Variants in NLRC3 observed in about 807,000 individuals in gnomAD.
NLRC3 encodes the protein NLR family CARD domain containing 3.
NLRC3 carries 87 observed loss-of-function variants against 91.6 expected under a neutral mutation model. The observed-to-expected ratio is 0.95, with a 90% CI of 0.80 to 1.14. The LOEUF is 1.14. NLRC3 is among the 50% of genes most tolerant of loss of function. The probability of loss-of-function intolerance (pLI) is 0.00; values close to 1 mark genes in which losing one functional copy is unlikely to be tolerated. For synonymous variants in NLRC3, 694 were observed against 625.3 expected, an observed-to-expected ratio of 1.11 and a Z score of -1.64; for missense variants, 1,577 against 1,418.6, an observed-to-expected ratio of 1.11 and a Z score of -1.79.
chr16:3,551,532 C>A (rs531270494), intron 10 of NLRC3, among the ~76,000 whole-genome samples: 42 of 151,096 alleles, frequency 2.8e-4, no homozygotes, highest in Non-Finnish European at 5.8e-4. Context: ...CTCATTTATT[C>A]AACCATCCAT....
At position 3,563,280 on chromosome 16, in the gene NLRC3, A is replaced by C. The variant is rs1407031499; in HGVS notation, c.1657T>G (p.Cys553Gly). ...CAGACTGCGGCATCGGGGCGCAGGC[A>C]GCCCTGCAGGAGCTCAGCCACCTGG... ...RTQVAELLQG[C>G]LRPDAAVCAR... The change falls in exon 5 of 20, where the codon TGC becomes GGC. Residue 553 changes from cysteine (C) to glycine (G), a missense_variant. By Grantham distance (159) the Cys-to-Gly change is radical. Coordinates refer to ENST00000359128, the MANE Select transcript of NLRC3 (RefSeq NM_178844.4). 5 of 1,605,144 alleles carry C rather than the reference A, an allele frequency of 3.1e-6. No homozygotes were observed. Among genetic ancestry groups the C allele is most frequent in the Non-Finnish European group, 4.2e-6 (5 of 1,177,036 alleles).
chr16:3,561,497 C>T (rs1309128662), intron 6 of NLRC3, among the ~76,000 whole-genome samples: 3 of 152,188 alleles, frequency 2.0e-5, no homozygotes, highest in Non-Finnish European at 4.4e-5. Context: ...GCCAGGTCAC[C>T]TCCCTCTTCC....
Position 3,564,908 on chromosome 16 carries a change from CGGGGCCT to C in NLRC3, c.122_128del (p.Gln41ArgfsTer29), listed in dbSNP as rs751492240. The C allele has an allele frequency of 4.2e-5, 67 of 1,609,710 alleles. No homozygotes were observed. The highest frequency in any genetic ancestry group is 5.6e-5 in the Non-Finnish European group (66 of 1,179,630). Reference sequence around the variant, plus strand: ...CATCCGGTGTCCTATCCAGGGCCTGCGGGGCCTGGGAGCCTTGACTGCCCTTCCCAGC... The same window carrying C: ...CATCCGGTGTCCTATCCAGGGCCTGCGGGAGCCTTGACTGCCCTTCCCAGC... On this transcript the variant is annotated frameshift_variant, in exon 4 of 20. Coordinates refer to ENST00000359128, the MANE Select transcript of NLRC3 (RefSeq NM_178844.4). LOFTEE classifies it high-confidence loss of function. The surrounding 1 kb of genome is among the most constrained non-coding windows in gnomAD (Gnocchi z 5.9).
At chr16:3,542,808 G>T (rs1174036761) in intron 17 of NLRC3, 33 bp from the exon 18 acceptor site, 11 of 1,488,744 alleles carry the variant, frequency 7.4e-6, no homozygotes, top group Non-Finnish European at 1.0e-5. Flanking sequence ...TAAGGCATGG[G>T]TACAGGCTGA....
In NLRC3 at chr16:3,548,757, G is replaced by C. The variant is rs1297822274; in HGVS notation, c.2604-4C>G. The stretch of plus-strand genomic sequence containing the variant: ...GTGGAGGAGGTTGGCTGTCAGGCTA[G>C]GAGGAAGGGAACAGGAGCAAGTGAG... On this transcript the variant is annotated splice_region_variant and splice_polypyrimidine_tract_variant and intron_variant, in intron 13 of 19. Transcript: ENST00000359128. The C allele has an allele frequency of 6.3e-7, 1 of 1,596,950 alleles. No individual in the cohort carries two copies. The highest frequency in any genetic ancestry group is 1.1e-5 in the South Asian group (1 of 87,798).
intron 1 of NLRC3, among the ~76,000 whole-genome samples, chr16:3,572,333 T>C (rs1203266807): frequency 6.6e-6 from 1 of 151,990 alleles, no homozygotes; most frequent in African/African-American, 2.4e-5. Context: ...AGGATCTCAC[T>C]GTGTCACCCA....
At position 3,564,887 on chromosome 16, in the gene NLRC3, C is replaced by T. The variant is rs778662341; in HGVS notation, c.150G>A (p.Pro50=). ...TGCTGCAGGGCCCCAGCGGGGCATC[C>T]GGTGTCCTATCCAGGGCCTGCGGGG... The part of the protein sequence containing the change: ...SQAPQALDRT[P]DAPLGPCSND... Residue 50 remains proline (P), a synonymous_variant, in exon 4 of 20, where the codon CCG becomes CCA. Coordinates refer to ENST00000359128, the MANE Select transcript of NLRC3 (RefSeq NM_178844.4). This position sits in a 1 kb window ranked among gnomAD's most constrained non-coding sequence, Gnocchi z 5.9. 1.2e-5 allele frequency: 19 copies of T among 1,608,758 alleles called. No individual in the cohort carries two copies. Among genetic ancestry groups the T allele is most frequent in the African/African-American group, 8.0e-5 (6 of 74,910 alleles).
At chr16:3,574,331 C>A (rs539143231) in intron 1 of NLRC3, among the ~76,000 whole-genome samples, 1 of 152,198 alleles carries the variant, frequency 6.6e-6, no homozygotes, top group East Asian at 1.9e-4. Context: ...CTCGGCCTGA[C>A]CACCCAGAGA....
At chr16:3,549,362 G>T in intron 12 of NLRC3, 137 bp from the exon 13 acceptor site, 1 of 706,876 alleles carries the variant, frequency 1.4e-6, no homozygotes, top group Non-Finnish European at 2.4e-6. Context: ...TCTGGGCTGA[G>T]GTGTGAAGGA....
intron 14 of NLRC3, 111 bp downstream of exon 14, chr16:3,548,559 C>T: frequency 1.2e-6 from 1 of 827,518 alleles, no homozygotes; most frequent in South Asian, 1.7e-5. Flanking sequence ...CCCCTGAGAC[C>T]TTTGCAGGGG....
At chr16:3,574,290 C>T (rs891776886) in intron 1 of NLRC3, among the ~76,000 whole-genome samples, 1 of 152,090 alleles carries the variant, frequency 6.6e-6, no homozygotes, top group Non-Finnish European at 1.5e-5. Context: ...TGCGCCCGGC[C>T]TTGTGGAGCA....
Position 3,541,850 on chromosome 16 carries a change from G to A in NLRC3, c.3173C>T (p.Ala1058Val), listed in dbSNP as rs915323873. The change falls in exon 20 of 20, where the codon GCT becomes GTT. Residue 1058 changes from alanine (A) to valine (V), a missense_variant. Ala to Val is a moderately conservative substitution (Grantham distance 64, BLOSUM62 0). Transcript: ENST00000359128. ...RMISEAIKTN[A>V]PTCTVEM ...TCACATTTCAACAGTGCACGTGGGAGCATTTGTCTTGATGGCCTCTGAGAT... is the reference window on the plus strand; with the variant it reads ...TCACATTTCAACAGTGCACGTGGGAACATTTGTCTTGATGGCCTCTGAGAT... The A allele has an allele frequency of 1.3e-5, 21 of 1,611,588 alleles. No homozygotes were observed. The highest frequency in any genetic ancestry group is 1.7e-5 in the Admixed American group (1 of 59,888).
intron 2 of NLRC3, among the ~76,000 whole-genome samples, chr16:3,565,653 C>T (rs1415376364): frequency 1.3e-5 from 2 of 151,904 alleles, no homozygotes; most frequent in African/African-American, 4.8e-5. Context: ...CAGACAATTC[C>T]TAGGGCAGTA....
chr16:3,542,655 T>G, intron 18 of NLRC3, 37 bp downstream of exon 18: 3 of 1,321,738 alleles, frequency 2.3e-6, no homozygotes, highest in Non-Finnish European at 3.3e-6. Flanking sequence ...AGAACTCTGC[T>G]GCTCCAGGAT....
At chr16:3,544,842 GC>G (rs1383560380) in intron 15 of NLRC3, 6 of 156,886 alleles carry the variant, frequency 3.8e-5, no homozygotes, top group Admixed American at 3.7e-4. Context: ...ACAGGCACAT[GC>G]CCCCATGCCC....
intron 2 of NLRC3, among the ~76,000 whole-genome samples, chr16:3,566,432 A>G (rs930047845): frequency 6.6e-6 from 1 of 152,076 alleles, no homozygotes; most frequent in Admixed American, 6.6e-5. Flanking sequence ...CTCTACTGAA[A>G]ATACAAAAAT....
chr16:3,552,583 C>A (rs1305880303), intron 9 of NLRC3, among the ~76,000 whole-genome samples: 2 of 152,154 alleles, frequency 1.3e-5, no homozygotes, highest in African/African-American at 4.8e-5. Flanking sequence ...ATGGACAAGT[C>A]TCTCTGGTGC....
chr16:3,544,009 G>A, intron 16 of NLRC3: 1 of 497,252 alleles, frequency 2.0e-6, no homozygotes, highest in East Asian at 3.4e-5. Context: ...CAAAAATTAG[G>A]CTGGGTGTGG....
intron 1 of NLRC3, among the ~76,000 whole-genome samples, chr16:3,568,610 C>T (rs1199167799): frequency 6.6e-6 from 1 of 152,050 alleles, no homozygotes; most frequent in East Asian, 1.9e-4. Context: ...GCCTGTAGTC[C>T]CAGCTACTCA....
Sources: gnomAD v4.1 joint callset for allele counts (sites outside exome capture counted in the v4.1 genomes callset) on GRCh38, gnomAD v4.1.1 for gene constraint, Gnocchi (gnomAD v3.1) non-coding constraint, MANE v1.5 for transcripts, NCBI Gene and HGNC (gene_info 2026-07-23, HGNC 2026-07-21) for gene names.